ADGRG2: variants seen among roughly 807,000 people sequenced by gnomAD.
The protein encoded by ADGRG2 is adhesion G protein-coupled receptor G2.
A neutral mutation model predicts 74.1 loss-of-function variants in ADGRG2; 26 were observed. The ratio of observed to expected loss-of-function variants is 0.35; its 90% CI spans 0.26 to 0.49. The LOEUF is 0.49. Ranked by LOEUF, ADGRG2 falls within the 20% of genes least tolerant of loss-of-function variation. ADGRG2 has a pLI of 0.99. For missense variants in ADGRG2, 619 were observed against 763.1 expected, an observed-to-expected ratio of 0.81 and a Z score of 2.22; for synonymous variants, 296 against 295.2, an observed-to-expected ratio of 1.00 and a Z score of -0.03.
intron 1 of ADGRG2, among the ~76,000 whole-genome samples, chrX:19,118,373 A>C (rs1368406027): frequency 8.9e-6 from 1 of 111,955 alleles, no homozygotes; most frequent in Non-Finnish European, 1.9e-5. Context: ...AAAAGGATAC[A>C]ATTTCTTTTT....
At position 19,049,438 on chromosome X, in the gene ADGRG2, G is replaced by GTTTTTTTTT. The variant is rs752686975; in HGVS notation, c.119-9223_119-9215dup. ...TGTGTCATATATAAGCGTTTTTTGTGTTTTTTTTTTTTTTTTTTTGTTGTT... is the reference window on the plus strand; with the variant it reads ...TGTGTCATATATAAGCGTTTTTTGTGTTTTTTTTTTTTTTTTTTTTTTTTTTTTGTTGTT... On this transcript the variant is annotated intron_variant, in intron 3 of 28. Coordinates refer to ENST00000379869, the MANE Select transcript of ADGRG2 (RefSeq NM_001079858.3). Among the ~76,000 whole-genome samples, 193 of 81,983 alleles carry GTTTTTTTTT rather than the reference G, an allele frequency of 2.4e-3. 3 individuals carry two copies. The highest frequency in any genetic ancestry group is 1.0e-2 in the African/African-American group (174 of 17,433). 71.2% of individuals were successfully genotyped at this position (81,983 alleles called of 115,157 possible).
chrX:19,079,419 T>A lies in ADGRG2; in HGVS notation c.-2+3283A>T, dbSNP rs149020375. Among the ~76,000 whole-genome samples the A allele has an allele frequency of 2.1e-3, 235 of 112,553 alleles. 2 individuals carry two copies. In the East Asian group the frequency reaches 0.05, roughly 24 times the overall value. ...ATCTTGTAAATTGAGGTAGTTTGAA[T>A]AAATATTGGACAAAAGGAACTATTC... On this transcript the variant is annotated intron_variant, in intron 2 of 28. Transcript: ENST00000379869.
chrX:19,030,713 G>A (rs902306880), intron 9 of ADGRG2, among the ~76,000 whole-genome samples: 6 of 112,096 alleles, frequency 5.4e-5, no homozygotes, highest in African/African-American at 1.9e-4. Flanking sequence ...TATTAGTTAT[G>A]GATTTAAAGC....
intron 7 of ADGRG2, chrX:19,033,892 C>G: frequency 3.9e-6 from 1 of 255,735 alleles, no homozygotes; most frequent in Non-Finnish European, 6.9e-6. Flanking sequence ...AGATCACACC[C>G]ATTACACACC....
At chrX:19,096,840 T>A (rs1246738429) in intron 1 of ADGRG2, among the ~76,000 whole-genome samples, 1 of 112,729 alleles carries the variant, frequency 8.9e-6, no homozygotes, top group Non-Finnish European at 1.9e-5. Flanking sequence ...AAAATTCTTA[T>A]GAGTAATGAG....
At chrX:19,003,574 TG>T (rs747301892) in intron 23 of ADGRG2, among the ~76,000 whole-genome samples, 170 of 110,616 alleles carry the variant, frequency 1.5e-3, no homozygotes, top group African/African-American at 5.4e-3. Context: ...GTATATGGGG[TG>T]GGGGGGAGCT....
rs143987070 is a variant in ADGRG2, at chrX:19,108,104, C to CA, written c.-47+14337dup. On this transcript the variant is annotated intron_variant, in intron 1 of 28. Coordinates refer to ENST00000379869, the MANE Select transcript of ADGRG2 (RefSeq NM_001079858.3). ...CCTGGGTGACAGTGAGACTCCGTCT[C>CA]AAAAAAAAAAAAAAAAAGAAAAAAG... Among the ~76,000 whole-genome samples the CA allele has an allele frequency of 8.1e-3, 361 of 44,619 alleles. 5 individuals are homozygous for CA. Among genetic ancestry groups the CA allele is most frequent in the Admixed American group, 0.012 (39 of 3,136 alleles). The allele number at this position is 44,619 out of a possible 115,157, so 38.7% of individuals were successfully genotyped here.
intron 20 of ADGRG2, among the ~76,000 whole-genome samples, chrX:19,006,544 G>A (rs2060235894): frequency 9.1e-6 from 1 of 109,903 alleles, no homozygotes; most frequent in African/African-American, 3.3e-5. Context: ...TAGGGCCTGA[G>A]ACTCTGCATT....
At chrX:19,039,242 C>A (rs1287827796) in intron 4 of ADGRG2, 4 of 331,103 alleles carry the variant, frequency 1.2e-5, no homozygotes, top group Non-Finnish European at 2.4e-5. Context: ...TGTGTGAACA[C>A]GAGCATGTTT....
Position 19,031,055 on chromosome X carries a change from C to G in ADGRG2, c.305-18G>C. ...TTTGACGCCTGCAAAGAAAACACAACCCAGCTGGTTAAGCATGTCAATGCC... is the reference window on the plus strand; with the variant it reads ...TTTGACGCCTGCAAAGAAAACACAAGCCAGCTGGTTAAGCATGTCAATGCC... On this transcript the variant is annotated intron_variant, in intron 8 of 28. Coordinates refer to ENST00000379869, the MANE Select transcript of ADGRG2 (RefSeq NM_001079858.3). 8.7e-7 allele frequency: 1 copy of G among 1,149,092 alleles called. No homozygotes were observed. Among genetic ancestry groups the G allele is most frequent in the Non-Finnish European group, 1.2e-6 (1 of 839,137 alleles). The allele number at this position is 1,149,092 out of a possible 1,213,427, so 94.7% of individuals were successfully genotyped here.
At chrX:19,021,849 T>C (rs1270708784) in intron 13 of ADGRG2, among the ~76,000 whole-genome samples, 1 of 110,246 alleles carries the variant, frequency 9.1e-6, no homozygotes, top group African/African-American at 3.3e-5. Flanking sequence ...GGTTTTGCCA[T>C]GTTGGCCAGT....
intron 1 of ADGRG2, among the ~76,000 whole-genome samples, chrX:19,095,069 A>C (rs1405520828): frequency 3.6e-5 from 4 of 111,901 alleles, no homozygotes; most frequent in African/African-American, 1.3e-4. Context: ...CTGGACACAA[A>C]AACAGCCCAT....
intron 4 of ADGRG2, among the ~76,000 whole-genome samples, chrX:19,037,972 T>G (rs963117291): frequency 6.2e-5 from 7 of 112,289 alleles, no homozygotes; most frequent in Non-Finnish European, 1.3e-4. Context: ...TAGAAAACAT[T>G]TTAAATAACT....
intron 15 of ADGRG2, 133 bp downstream of exon 15, chrX:19,019,466 A>T: frequency 2.2e-6 from 1 of 445,433 alleles, no homozygotes; most frequent in South Asian, 3.8e-5. Context: ...TGGAAACTTC[A>T]TACTGCAGAA....
Position 19,040,225 on chromosome X carries a change from C to G in ADGRG2, c.119-1G>C. On this transcript the variant is annotated splice_acceptor_variant, in intron 3 of 28. Transcript: ENST00000379869. LOFTEE classifies it high-confidence loss of function. ...GACAAACTGGAATTATCAGTATCTTCTGTTGAGGAAAAGAGGTGATTCAGA... is the reference window on the plus strand; with the variant it reads ...GACAAACTGGAATTATCAGTATCTTGTGTTGAGGAAAAGAGGTGATTCAGA... The G allele has an allele frequency of 8.8e-7, 1 of 1,135,020 alleles. No individual in the cohort carries two copies. Among genetic ancestry groups the G allele is most frequent in the Non-Finnish European group, 1.2e-6 (1 of 830,218 alleles). 93.5% of individuals were successfully genotyped at this position (1,135,020 alleles called of 1,213,427 possible). A position where few individuals can be genotyped will look rare whatever the true frequency, so the allele number is the denominator to read the frequency against.
intron 28 of ADGRG2, among the ~76,000 whole-genome samples, chrX:18,993,677 T>TAAA (rs1220955034): frequency 3.6e-5 from 2 of 55,898 alleles, no homozygotes; most frequent in Non-Finnish European, 3.5e-5. Context: ...GACCTTGTCA[T>TAAA]AAAAAAAAAG....
intron 3 of ADGRG2, among the ~76,000 whole-genome samples, chrX:19,058,902 A>G (rs1255629589): frequency 8.9e-6 from 1 of 112,408 alleles, no homozygotes; most frequent in African/African-American, 3.2e-5. Context: ...ATCAACTTAA[A>G]CCCTAATAGG....
rs2060968146 is a variant in ADGRG2 at position 19,037,595 on chromosome X, T to TTTC, written c.195_196insGAA (p.Gly65_Thr66insGlu). 3 of 1,166,221 alleles carry TTTC rather than the reference T, an allele frequency of 2.6e-6. No homozygotes were observed. In the East Asian group the frequency reaches 9.2e-5, roughly 36 times the overall value. On this transcript the variant is annotated inframe_insertion, in exon 5 of 29. Coordinates refer to ENST00000379869, the MANE Select transcript of ADGRG2 (RefSeq NM_001079858.3). The stretch of plus-strand genomic sequence containing the variant: ...AATTTTTTCAAAATCTTGCCTGGAG[T>TTTC]ACCATTGGAGGAGGGGGCAAAACTG...
At chrX:19,089,820 G>A (rs1322614991) in intron 1 of ADGRG2, among the ~76,000 whole-genome samples, 1 of 111,645 alleles carries the variant, frequency 9.0e-6, no homozygotes, top group African/African-American at 3.3e-5. Flanking sequence ...GAGCCCAACC[G>A]AGACCAGCAG....
Sources: gnomAD v4.1 joint callset for allele counts (sites outside exome capture counted in the v4.1 genomes callset) on GRCh38, gnomAD v4.1.1 for gene constraint, MANE v1.5 for transcripts, NCBI Gene and HGNC (gene_info 2026-07-23, HGNC 2026-07-21) for gene names.